C18orf54: variants seen among roughly 807,000 people sequenced by gnomAD.
The protein encoded by C18orf54 is lung adenoma susceptibility protein 2.
In C18orf54, 49 loss-of-function variants were observed where a neutral mutation model predicts 49.3. The observed-to-expected ratio is 0.99, with a 90% CI of 0.79 to 1.26. The LOEUF (loss-of-function observed/expected upper bound fraction) is 1.26. Among genes scored for constraint, C18orf54 ranks in the 50% most tolerant of loss-of-function variants. C18orf54 has a pLI of 0.00. For missense variants in C18orf54, 687 were observed against 620.6 expected (o/e 1.11, Z -1.14); for synonymous variants, 211 against 216.6 (o/e 0.97, Z 0.23).
chr18:54,369,412 C>T (rs529824820), intron 6 of C18orf54, among the ~76,000 whole-genome samples: 1 of 150,918 alleles, frequency 6.6e-6, no homozygotes, highest in Non-Finnish European at 1.5e-5. Context: ...AATTGCTAAC[C>T]CATATTCCTG....
intron 6 of C18orf54, among the ~76,000 whole-genome samples, chr18:54,371,921 A>T (rs530428270): frequency 6.6e-6 from 1 of 152,196 alleles, no homozygotes; most frequent in East Asian, 1.9e-4. Context: ...TGACCATCTT[A>T]TGTGTCTTAA....
At chr18:54,366,845 A>G (rs935131246) in intron 6 of C18orf54, among the ~76,000 whole-genome samples, 3 of 151,980 alleles carry the variant, frequency 2.0e-5, no homozygotes, top group Admixed American at 1.3e-4. Flanking sequence ...TGATAATACT[A>G]ATTTATATTC....
intron 6 of C18orf54, among the ~76,000 whole-genome samples, chr18:54,369,778 T>G (rs2089452470): frequency 6.6e-6 from 1 of 152,136 alleles, no homozygotes; most frequent in Non-Finnish European, 1.5e-5. Context: ...TGAATATTGC[T>G]CTTTTCGTCT....
intron 6 of C18orf54, among the ~76,000 whole-genome samples, chr18:54,371,886 C>G (rs1292850523): frequency 6.6e-6 from 1 of 152,010 alleles, no homozygotes; most frequent in African/African-American, 2.4e-5. Context: ...TAAAATATCC[C>G]TCACCGATTA....
chr18:54,366,028 C>A (rs2089375839), intron 6 of C18orf54, among the ~76,000 whole-genome samples: 1 of 151,464 alleles, frequency 6.6e-6, no homozygotes, highest in African/African-American at 2.4e-5. Context: ...TCATACATAT[C>A]TATGGGATAC....
At chr18:54,373,954 T>C (rs1568190677) in intron 7 of C18orf54, among the ~76,000 whole-genome samples, 1 of 151,858 alleles carries the variant, frequency 6.6e-6, no homozygotes, top group East Asian at 1.9e-4. Flanking sequence ...GCCTGTTCAA[T>C]AAAGTCATAA....
rs3753056 is a variant in C18orf54 at position 54,378,271 on chromosome 18, A to T, written c.*25A>T. 6.3e-7 allele frequency: 1 copy of T among 1,590,830 alleles called. No individual in the cohort carries two copies. Among genetic ancestry groups the T allele is most frequent in the South Asian group, 1.1e-5 (1 of 90,384 alleles). On this transcript the variant is annotated 3_prime_UTR_variant, in exon 9 of 9. Coordinates refer to ENST00000620105, the MANE Select transcript of C18orf54 (RefSeq NM_001288980.2). ...AAGAGGAAAATGAAACTGTCACCACAATGAATAGTCACCACAGAACAAATA... is the reference window on the plus strand; with the variant it reads ...AAGAGGAAAATGAAACTGTCACCACTATGAATAGTCACCACAGAACAAATA...
At chr18:54,372,375 A>C (rs1206428435) in intron 6 of C18orf54, 91 bp from the exon 7 acceptor site, 1 of 1,213,510 alleles carries the variant, frequency 8.2e-7, no homozygotes, top group Non-Finnish European at 1.1e-6. Context: ...TTTTACATTA[A>C]TTTTCTATTG....
intron 6 of C18orf54, among the ~76,000 whole-genome samples, chr18:54,369,802 A>G (rs922459061): frequency 1.3e-5 from 2 of 152,126 alleles, no homozygotes; most frequent in African/African-American, 2.4e-5. Context: ...GCCTTATAAT[A>G]TCATAACAAA....
rs2144721689 is a variant in C18orf54 at position 54,362,295 on chromosome 18, T to G, written c.936T>G (p.Ala312=). Reference sequence around the variant, plus strand: ...ATAAATTAGATTGTTTTGAATATGCTTTTGAACCCTCAAACTTTTCAAATT... The same window carrying G: ...ATAAATTAGATTGTTTTGAATATGCGTTTGAACCCTCAAACTTTTCAAATT... ...LINKLDCFEY[A]FEPSNFSNSL... is the part of the protein sequence containing the mutation. The change falls in exon 4 of 9, where the codon GCT becomes GCG. Residue 312 remains alanine (A), a synonymous_variant. Transcript: ENST00000620105. The G allele has an allele frequency of 6.5e-7, 1 of 1,536,346 alleles. No homozygotes were observed. The highest frequency in any genetic ancestry group is 2.4e-5 in the East Asian group (1 of 40,914).
chr18:54,365,691 T>C (rs2089366141), intron 5 of C18orf54, 28 bp from the exon 6 acceptor site: 1 of 1,357,502 alleles, frequency 7.4e-7, no homozygotes, highest in African/African-American at 1.4e-5. Context: ...ACTTAATTGC[T>C]ATCTTGCATC....
At chr18:54,362,568 T>C in intron 4 of C18orf54, 137 bp downstream of exon 4, 4 of 903,728 alleles carry the variant, frequency 4.4e-6, no homozygotes, top group Non-Finnish European at 6.4e-6. Flanking sequence ...ATGCTTATAA[T>C]CTTCACATAC....
In C18orf54 at chr18:54,378,323, C is replaced by A; in HGVS notation, c.*77C>A. The A allele has an allele frequency of 1.6e-6, 2 of 1,247,436 alleles. No individual in the cohort carries two copies. Among genetic ancestry groups the A allele is most frequent in the Non-Finnish European group, 2.3e-6 (2 of 865,070 alleles). The allele number at this position is 1,247,436 out of a possible 1,614,324, so 77.3% of individuals were successfully genotyped here. On this transcript the variant is annotated 3_prime_UTR_variant, in exon 9 of 9. Transcript: ENST00000620105. ...GCATTTTTTCTATTACTTAAACTGA[C>A]AAAGTAAATATAAGCCATACATTAT... is the stretch of plus-strand genomic sequence containing the variant.
intron 5 of C18orf54, 85 bp downstream of exon 5, chr18:54,363,006 T>C (rs1173025399): frequency 3.1e-6 from 4 of 1,280,220 alleles, no homozygotes; most frequent in Non-Finnish European, 3.2e-6. Flanking sequence ...AAACGAACGG[T>C]AATTAATAAT....
In C18orf54 at chr18:54,378,415, G is replaced by A; in HGVS notation, c.*169G>A. ...ACTTGAAAATACCCATAGGTTTTGG[G>A]ACCTATCTTTATTTTGTGCCAACAT... On this transcript the variant is annotated 3_prime_UTR_variant, in exon 9 of 9. Coordinates refer to ENST00000620105, the MANE Select transcript of C18orf54 (RefSeq NM_001288980.2). The A allele has an allele frequency of 1.9e-6, 1 of 521,426 alleles. No individual in the cohort carries two copies. Among genetic ancestry groups the A allele is most frequent in the Non-Finnish European group, 3.3e-6 (1 of 306,332 alleles). The allele number at this position is 521,426 out of a possible 1,614,324, so 32.3% of individuals were successfully genotyped here.
chr18:54,372,734 T>C, intron 7 of C18orf54, 137 bp downstream of exon 7: 1 of 760,148 alleles, frequency 1.3e-6, no homozygotes, highest in Non-Finnish European at 2.0e-6. Context: ...GGCAGTAGTT[T>C]TTTTTTGTTA....
At chr18:54,359,183 T>C (rs2089210246) in intron 2 of C18orf54, among the ~76,000 whole-genome samples, 1 of 152,244 alleles carries the variant, frequency 6.6e-6, no homozygotes, top group Non-Finnish European at 1.5e-5. Context: ...GCTTTCTCTT[T>C]CAAGGTTTTG....
chr18:54,366,190 T>C (rs1316705297), intron 6 of C18orf54, among the ~76,000 whole-genome samples: 1 of 151,886 alleles, frequency 6.6e-6, no homozygotes, highest in Non-Finnish European at 1.5e-5. Flanking sequence ...TTGTTAGTTA[T>C]AGTCAGCTGA....
At chr18:54,370,643 T>G (rs991390083) in intron 6 of C18orf54, among the ~76,000 whole-genome samples, 2 of 152,208 alleles carry the variant, frequency 1.3e-5, no homozygotes, top group African/African-American at 4.8e-5. Context: ...ATGACAAGTC[T>G]CAGAACAAAT....
Sources: gnomAD v4.1 joint callset for allele counts (sites outside exome capture counted in the v4.1 genomes callset) on GRCh38, gnomAD v4.1.1 for gene constraint, MANE v1.5 for transcripts, NCBI Gene and HGNC (gene_info 2026-07-23, HGNC 2026-07-21) for gene names.